Variants in TMTC2 observed in about 807,000 individuals in gnomAD.
The protein encoded by TMTC2 is protein O-mannosyl-transferase TMTC2.
A neutral mutation model predicts 82.4 loss-of-function variants in TMTC2; 43 were observed. That is an observed-to-expected ratio of 0.52 (90% CI 0.41 to 0.67). The LOEUF (loss-of-function observed/expected upper bound fraction) is 0.67. Among genes scored for constraint, TMTC2 ranks in the 30% least tolerant of loss-of-function variants. The pLI is 0.00. For synonymous variants in TMTC2, 408 were observed against 381.9 expected, an observed-to-expected ratio of 1.07 and a Z score of -0.80; for missense variants, 919 against 1,012.4, an observed-to-expected ratio of 0.91 and a Z score of 1.25.
At chr12:82,818,268 T>C (rs768792718) in intron 1 of TMTC2, among the ~76,000 whole-genome samples, 2 of 152,114 alleles carry the variant, frequency 1.3e-5, no homozygotes, top group Non-Finnish European at 2.9e-5. Flanking sequence ...ATAATTCATA[T>C]TATAAGAGTA....
intron 1 of TMTC2, among the ~76,000 whole-genome samples, chr12:82,780,986 G>A (rs761677490): frequency 6.6e-5 from 10 of 152,018 alleles, no homozygotes; most frequent in Non-Finnish European, 8.8e-5. Flanking sequence ...TTTATTTTGA[G>A]TTTTCTAAAC....
intron 11 of TMTC2, among the ~76,000 whole-genome samples, chr12:83,121,641 G>A (rs1884950291): frequency 6.6e-6 from 1 of 152,130 alleles, no homozygotes; most frequent in Admixed American, 6.5e-5. Context: ...CTCCTGCTGG[G>A]ATGTGGCGCT....
intron 1 of TMTC2, among the ~76,000 whole-genome samples, chr12:82,736,692 A>G (rs76678925): frequency 0.02 from 3,078 of 152,310 alleles, 106 homozygotes; most frequent in African/African-American, 0.071. Context: ...CATGATTGCT[A>G]TATTATTGCT....
chr12:83,106,098 G>A (rs1038313732), intron 11 of TMTC2, among the ~76,000 whole-genome samples: 2 of 152,118 alleles, frequency 1.3e-5, no homozygotes, highest in South Asian at 4.2e-4. Flanking sequence ...AGATATATGT[G>A]AGTAAATTTC....
At chr12:82,792,977 A>T (rs964198520) in intron 1 of TMTC2, among the ~76,000 whole-genome samples, 2 of 152,186 alleles carry the variant, frequency 1.3e-5, no homozygotes, top group African/African-American at 2.4e-5. Flanking sequence ...AAATTAATAC[A>T]TGTTGTCCAG....
intron 1 of TMTC2, among the ~76,000 whole-genome samples, chr12:82,734,978 G>A (rs1341465070): frequency 1.3e-5 from 2 of 152,152 alleles, no homozygotes; most frequent in Non-Finnish European, 2.9e-5. Flanking sequence ...TATCAAGAGA[G>A]CCCACGTGGT....
intron 1 of TMTC2, among the ~76,000 whole-genome samples, chr12:82,729,418 A>G (rs571901179): frequency 2.0e-5 from 3 of 152,104 alleles, no homozygotes; most frequent in African/African-American, 7.2e-5. Flanking sequence ...CTCTGTATCT[A>G]GTTCAAGGTT....
intron 1 of TMTC2, among the ~76,000 whole-genome samples, chr12:82,753,424 A>G (rs1447338322): frequency 7.0e-6 from 1 of 143,630 alleles, no homozygotes; most frequent in Non-Finnish European, 1.5e-5. Context: ...CTGTGGTTTT[A>G]CTGTGTGGAG....
intron 8 of TMTC2, among the ~76,000 whole-genome samples, chr12:82,992,812 G>C (rs1041660945): frequency 2.0e-5 from 3 of 151,960 alleles, no homozygotes; most frequent in Non-Finnish European, 4.4e-5. Flanking sequence ...TTCAACTTTT[G>C]TATGTCACTT....
intron 1 of TMTC2, among the ~76,000 whole-genome samples, chr12:82,742,409 A>G (rs1177430949): frequency 6.6e-6 from 1 of 152,032 alleles, no homozygotes. Context: ...ATATGCCACC[A>G]CTATATGGTA....
intron 1 of TMTC2, among the ~76,000 whole-genome samples, chr12:82,838,465 C>T (rs1025475848): frequency 2.6e-5 from 4 of 152,206 alleles, no homozygotes; most frequent in Admixed American, 2.6e-4. Flanking sequence ...GCCCATTAAG[C>T]AGTGTTGGAG....
chr12:83,036,751 A>G (rs1881679450), intron 9 of TMTC2, among the ~76,000 whole-genome samples: 1 of 152,146 alleles, frequency 6.6e-6, no homozygotes, highest in Non-Finnish European at 1.5e-5. Context: ...GAGACTGGGT[A>G]ATTTATAAAG....
chr12:82,886,078 C>A (rs1446075656), intron 2 of TMTC2, among the ~76,000 whole-genome samples: 9 of 152,172 alleles, frequency 5.9e-5, no homozygotes, highest in Non-Finnish European at 1.0e-4. Flanking sequence ...TCCACTGCCA[C>A]TTTACTTTTT....
intron 1 of TMTC2, among the ~76,000 whole-genome samples, chr12:82,709,727 C>A (rs1873536040): frequency 6.6e-6 from 1 of 152,016 alleles, no homozygotes; most frequent in African/African-American, 2.4e-5. Flanking sequence ...CACATTATAT[C>A]CAATGTATGT....
In TMTC2 at chr12:82,965,739, T is replaced by A; in HGVS notation, c.1864T>A (p.Tyr622Asn). ...AAAGCTGTATCATGAGCAGGGACAC[T>A]ATGAGGTCTGGCCAATGCCTCTCTG... is the stretch of plus-strand genomic sequence containing the variant. The part of the protein sequence containing the change: ...LGKLYHEQGH[Y>N]EEALSVYKEA... The change falls in exon 6 of 12, where the codon TAT becomes AAT. Residue 622 changes from tyrosine to asparagine, a missense_variant. Coordinates refer to ENST00000321196, the MANE Select transcript of TMTC2 (RefSeq NM_152588.3). 6.2e-7 allele frequency: 1 copy of A among 1,613,776 alleles called. No individual in the cohort carries two copies. The highest frequency in any genetic ancestry group is 8.5e-7 in the Non-Finnish European group (1 of 1,179,840).
At chr12:82,846,755 C>A (rs919576423) in intron 1 of TMTC2, among the ~76,000 whole-genome samples, 1 of 152,084 alleles carries the variant, frequency 6.6e-6, no homozygotes, top group Non-Finnish European at 1.5e-5. Context: ...TTAATAACTT[C>A]CTGTATTCTC....
intron 4 of TMTC2, among the ~76,000 whole-genome samples, chr12:82,960,517 T>C (rs1376719942): frequency 3.9e-5 from 6 of 152,018 alleles, no homozygotes; most frequent in African/African-American, 1.4e-4. Flanking sequence ...AGGAGATTAA[T>C]GCAGGAACAG....
At chr12:83,069,729 A>G (rs561381568) in intron 11 of TMTC2, among the ~76,000 whole-genome samples, 3 of 149,396 alleles carry the variant, frequency 2.0e-5, no homozygotes, top group South Asian at 2.1e-4. Flanking sequence ...CTTTATTTTT[A>G]TTGCATTTGC....
chr12:82,876,034 T>C (rs866296918), intron 2 of TMTC2, among the ~76,000 whole-genome samples: 2 of 78,134 alleles, frequency 2.6e-5, no homozygotes. Flanking sequence ...GTGGCGGTGG[T>C]GGTGGTGGTG....
Sources: allele counts gnomAD v4.1 joint callset (sites outside exome capture counted in the v4.1 genomes callset), GRCh38; gene constraint gnomAD v4.1.1; transcripts MANE v1.5; gene names NCBI Gene and HGNC (gene_info 2026-07-23, HGNC 2026-07-21).